Variants in NEK7 observed in about 807,000 individuals in gnomAD.
The protein encoded by NEK7 is serine/threonine-protein kinase Nek7.
A neutral mutation model predicts 44.6 loss-of-function variants in NEK7; 18 were observed. The observed-to-expected ratio is 0.40, with a 90% CI of 0.28 to 0.60. The LOEUF (loss-of-function observed/expected upper bound fraction) is 0.60, where lower values mean the gene tolerates loss of function less well. NEK7 is among the 20% of genes least tolerant of loss of function. The probability of loss-of-function intolerance (pLI) is 0.38; values close to 1 mark genes in which losing one functional copy is unlikely to be tolerated. For synonymous variants in NEK7, 130 were observed against 121.1 expected (o/e 1.07, Z -0.48); for missense variants, 256 against 366.5 (o/e 0.70, Z 2.46).
At chr1:198,317,316 C>A (rs1655398643) in intron 9 of NEK7, among the ~76,000 whole-genome samples, 1 of 152,200 alleles carries the variant, frequency 6.6e-6, no homozygotes, top group Non-Finnish European at 1.5e-5. Context: ...ATTGACCTGT[C>A]ATCCCTTTGA....
chr1:198,234,176 T>C (rs1666482207), intron 2 of NEK7, among the ~76,000 whole-genome samples: 1 of 152,106 alleles, frequency 6.6e-6, no homozygotes, highest in Non-Finnish European at 1.5e-5. Flanking sequence ...AACCAGGGAC[T>C]CAATGAAATG....
chr1:198,267,037 C>T (rs970932625), intron 5 of NEK7, among the ~76,000 whole-genome samples: 2 of 152,064 alleles, frequency 1.3e-5, no homozygotes, highest in African/African-American at 2.4e-5. Flanking sequence ...TCCTCCTTCT[C>T]TCCTGTTACC....
At chr1:198,213,718 G>A (rs918506689) in intron 1 of NEK7, among the ~76,000 whole-genome samples, 46 of 152,134 alleles carry the variant, frequency 3.0e-4, no homozygotes, top group African/African-American at 1.1e-3. Context: ...GGACGGCTGT[G>A]GTGCCTTCCT....
At chr1:198,301,684 T>C (rs1429837390) in intron 9 of NEK7, among the ~76,000 whole-genome samples, 2 of 152,184 alleles carry the variant, frequency 1.3e-5, no homozygotes, top group Non-Finnish European at 2.9e-5. Flanking sequence ...GAAAGAAGGA[T>C]AAAGGGTGCC....
rs1655543710 is a variant in NEK7, at chr1:198,321,863, T to C, written c.*2341T>C. ...ATTTTATATTGATTAAGTTAAACTTTTGAATTGATTTGAGGAGCAGTAAAA... is the reference window on the plus strand; with the variant it reads ...ATTTTATATTGATTAAGTTAAACTTCTGAATTGATTTGAGGAGCAGTAAAA... On this transcript the variant is annotated 3_prime_UTR_variant, in exon 10 of 10. Transcript: ENST00000367385. 1 of 152,152 alleles carries C rather than the reference T, an allele frequency of 6.6e-6. No individual in the cohort carries two copies. Among genetic ancestry groups the C allele is most frequent in the African/African-American group, 2.4e-5 (1 of 41,462 alleles). 9.4% of individuals were successfully genotyped at this position (152,152 alleles called of 1,614,324 possible).
chr1:198,230,455 A>C (rs1666353464), intron 1 of NEK7, among the ~76,000 whole-genome samples: 1 of 152,138 alleles, frequency 6.6e-6, no homozygotes, highest in African/African-American at 2.4e-5. Context: ...AAGATACACA[A>C]ATTTTTTAAT....
chr1:198,213,960 G>C (rs1270085731), intron 1 of NEK7, among the ~76,000 whole-genome samples: 4 of 152,128 alleles, frequency 2.6e-5, no homozygotes, highest in Admixed American at 2.0e-4. Context: ...GACTGAAATA[G>C]GCTTCATGAG....
chr1:198,253,851 A>C (rs73080741), intron 3 of NEK7, among the ~76,000 whole-genome samples: 39 of 152,224 alleles, frequency 2.6e-4, no homozygotes, highest in African/African-American at 9.1e-4. Context: ...CAGAGCCCTG[A>C]GTGTTTCACT....
intron 1 of NEK7, chr1:198,208,693 A>C (rs1203266849): frequency 6.6e-6 from 1 of 152,190 alleles, no homozygotes; most frequent in Non-Finnish European, 1.5e-5. Flanking sequence ...GTCAATTAAG[A>C]TAATTTTAGT....
At chr1:198,177,482 A>G (rs955784042) in intron 1 of NEK7, among the ~76,000 whole-genome samples, 1 of 152,164 alleles carries the variant, frequency 6.6e-6, no homozygotes, top group Non-Finnish European at 1.5e-5. Context: ...AATGTATCAC[A>G]TATGAGCTCT....
rs931796488 is a variant in NEK7 at position 198,236,759 on chromosome 1, C to A, written c.57+4122C>A. Among the ~76,000 whole-genome samples, 3 of 152,280 alleles carry A rather than the reference C, an allele frequency of 2.0e-5. No individual in the cohort carries two copies. In the South Asian group the frequency reaches 6.2e-4, roughly 32 times the overall value. On this transcript the variant is annotated intron_variant, in intron 2 of 9. Coordinates refer to ENST00000367385, the MANE Select transcript of NEK7 (RefSeq NM_133494.3). ...AGGCCAACCCTCCCATGTGCACCCC[C>A]TCTACTGGGTCCGTGCTACTATGCT... is the stretch of plus-strand genomic sequence containing the variant.
At chr1:198,238,479 T>C (rs958554181) in intron 2 of NEK7, among the ~76,000 whole-genome samples, 1 of 140,092 alleles carries the variant, frequency 7.1e-6, no homozygotes, top group African/African-American at 2.6e-5. Flanking sequence ...ATTTAACCCC[T>C]GACCCACTCT....
At chr1:198,195,586 C>T (rs555450635) in intron 1 of NEK7, among the ~76,000 whole-genome samples, 26 of 152,204 alleles carry the variant, frequency 1.7e-4, no homozygotes, top group East Asian at 3.9e-4. Context: ...TTTGGGAGGC[C>T]GAGGTGGCCG....
chr1:198,226,158 G>T (rs1666216882), intron 1 of NEK7, among the ~76,000 whole-genome samples: 1 of 151,904 alleles, frequency 6.6e-6, no homozygotes, highest in African/African-American at 2.4e-5. Context: ...AAGGATTAGT[G>T]GTACGAGATA....
intron 5 of NEK7, among the ~76,000 whole-genome samples, chr1:198,274,416 G>A (rs1198418839): frequency 2.0e-5 from 3 of 151,586 alleles, no homozygotes; most frequent in African/African-American, 7.3e-5. Flanking sequence ...TGCCAGACCT[G>A]CATAACACAG....
At chr1:198,210,297 G>T (rs1415641224) in intron 1 of NEK7, among the ~76,000 whole-genome samples, 1 of 152,114 alleles carries the variant, frequency 6.6e-6, no homozygotes, top group African/African-American at 2.4e-5. Context: ...TGTTGCTTAG[G>T]CAGGTCTTGA....
At chr1:198,176,509 A>G (rs1462323888) in intron 1 of NEK7, among the ~76,000 whole-genome samples, 1 of 152,066 alleles carries the variant, frequency 6.6e-6, no homozygotes, top group Non-Finnish European at 1.5e-5. Context: ...GCAAGTAAGG[A>G]GTGAGGTTGA....
At chr1:198,251,541 C>T (rs1652987705) in intron 2 of NEK7, among the ~76,000 whole-genome samples, 1 of 151,992 alleles carries the variant, frequency 6.6e-6, no homozygotes. Context: ...TTGATTATTG[C>T]CACAATTTCA....
At chr1:198,238,679 G>A (rs1048986658) in intron 2 of NEK7, among the ~76,000 whole-genome samples, 7 of 152,112 alleles carry the variant, frequency 4.6e-5, no homozygotes, top group Non-Finnish European at 8.8e-5. Flanking sequence ...CTGAGGCTCC[G>A]ACTAATTAAC....
Sources: gnomAD v4.1 joint callset for allele counts (sites outside exome capture counted in the v4.1 genomes callset) on GRCh38, gnomAD v4.1.1 for gene constraint, MANE v1.5 for transcripts, NCBI Gene and HGNC (gene_info 2026-07-23, HGNC 2026-07-21) for gene names.